Variants in SBK1 observed in about 807,000 individuals in gnomAD.
SBK1 encodes the protein SH3 domain binding kinase 1, also known as serine/threonine-protein kinase SBK1.
In SBK1, 11 loss-of-function variants were observed where a neutral mutation model predicts 24.4. The observed-to-expected ratio is 0.45, with a 90% CI of 0.28 to 0.75. The LOEUF (loss-of-function observed/expected upper bound fraction) is 0.75, where lower values mean the gene tolerates loss of function less well. SBK1 is among the 30% of genes least tolerant of loss of function. The probability of loss-of-function intolerance (pLI) is 0.12; values close to 1 mark genes in which losing one functional copy is unlikely to be tolerated. For synonymous variants in SBK1, 308 were observed against 284.4 expected (o/e 1.08, Z -0.83); for missense variants, 467 against 620.5 (o/e 0.75, Z 2.63).
At chr16:28,302,732 G>A (rs1272129415) in intron 1 of SBK1, among the ~76,000 whole-genome samples, 1 of 152,268 alleles carries the variant, frequency 6.6e-6, no homozygotes, top group East Asian at 1.9e-4. Flanking sequence ...CTCCTCAGAG[G>A]TTAATTCATT....
intron 1 of SBK1, among the ~76,000 whole-genome samples, chr16:28,315,453 C>T (rs2044788166): frequency 6.6e-6 from 1 of 152,138 alleles, no homozygotes; most frequent in African/African-American, 2.4e-5. Context: ...AGTTAGTTCA[C>T]TGTCACCCAC....
At chr16:28,292,444 G>A, upstream of SBK1, 1 of 763,042 alleles carries the variant, frequency 1.3e-6, no homozygotes, top group Non-Finnish European at 1.6e-6. Flanking sequence ...ACGGACAAAG[G>A]GGCGGGCGGC....
intron 1 of SBK1, among the ~76,000 whole-genome samples, chr16:28,300,969 G>A (rs892300493): frequency 1.3e-5 from 2 of 152,174 alleles, no homozygotes; most frequent in Admixed American, 1.3e-4. Flanking sequence ...CAAAGGAGGT[G>A]AAGGATGCAG....
Position 28,317,489 on chromosome 16 carries a change from C to T in SBK1, c.98C>T (p.Thr33Ile). The T allele has an allele frequency of 6.2e-7, 1 of 1,614,168 alleles. No homozygotes were observed. The highest frequency in any genetic ancestry group is 8.5e-7 in the Non-Finnish European group (1 of 1,180,018). Reference sequence around the variant, plus strand: ...CCTGGTGCCGGTGTGCCCCTTCTCACTGAAGACATGCAGGCCCTGACTCTC... The same window carrying T: ...CCTGGTGCCGGTGTGCCCCTTCTCATTGAAGACATGCAGGCCCTGACTCTC... Reference protein sequence around the residue: ...PGPGAGVPLLTEDMQALTLRT... With the variant: ...PGPGAGVPLLIEDMQALTLRT... Residue 33 changes from threonine (T) to isoleucine (I), a missense_variant, in exon 2 of 4, where the codon ACT becomes ATT. Transcript: ENST00000341901. The surrounding 1 kb of genome is among the most constrained non-coding windows in gnomAD (Gnocchi z 4.2).
intron 1 of SBK1, among the ~76,000 whole-genome samples, chr16:28,300,114 A>G (rs1387429803): frequency 3.3e-5 from 5 of 152,204 alleles, no homozygotes; most frequent in Non-Finnish European, 7.3e-5. Flanking sequence ...TGTGCCTCCA[A>G]ACTAGAATAT....
intron 1 of SBK1, among the ~76,000 whole-genome samples, chr16:28,312,342 C>T (rs2044759758): frequency 1.3e-5 from 2 of 152,174 alleles, no homozygotes; most frequent in Admixed American, 6.5e-5. Context: ...GCCTCATCAC[C>T]CCGTTGGTGG....
chr16:28,302,948 A>G (rs1369301987), intron 1 of SBK1, among the ~76,000 whole-genome samples: 1 of 139,692 alleles, frequency 7.2e-6, no homozygotes, highest in African/African-American at 2.7e-5. Flanking sequence ...CCAGGAAAAA[A>G]TAGAGCAGGG....
chr16:28,279,179 C>A (rs2044513372), intron 1 of SBK1, among the ~76,000 whole-genome samples: 1 of 150,666 alleles, frequency 6.6e-6, no homozygotes, highest in Admixed American at 6.6e-5. Context: ...TGCACTTCAG[C>A]CTGCTGGGTG....
chr16:28,296,117 C>T (rs2044638322), intron 1 of SBK1, among the ~76,000 whole-genome samples: 1 of 139,372 alleles, frequency 7.2e-6, no homozygotes, highest in Admixed American at 7.5e-5. Flanking sequence ...TTTTTTTAGA[C>T]AGAGTCTCGC....
rs189426176 is a variant in SBK1, at chr16:28,323,725, G to A, written c.*2804G>A. 844 of 152,844 alleles carry A rather than the reference G, an allele frequency of 5.5e-3. 12 individuals are homozygous for A. The highest frequency in any genetic ancestry group is 0.034 in the Admixed American group (521 of 15,294). 9.5% of individuals were successfully genotyped at this position (152,844 alleles called of 1,614,324 possible). On this transcript the variant is annotated 3_prime_UTR_variant, in exon 4 of 4. Transcript: ENST00000341901. ...GAGCCCCAGCCCCTCATGTCTTGCC[G>A]CCCTTCCTCCATGTGTTTGTAAATA...
intron 1 of SBK1, among the ~76,000 whole-genome samples, chr16:28,302,957 G>C (rs1435394243): frequency 7.9e-6 from 1 of 126,402 alleles, no homozygotes; most frequent in Admixed American, 7.7e-5. Flanking sequence ...AATAGAGCAG[G>C]GCATGGGGGG....
chr16:28,273,082 T>C (rs2044476681), intron 1 of SBK1, among the ~76,000 whole-genome samples: 1 of 152,136 alleles, frequency 6.6e-6, no homozygotes, highest in African/African-American at 2.4e-5. Flanking sequence ...AGAATTATTT[T>C]TTTCTTTTTT....
chr16:28,259,406 C>T lies in SBK1; in HGVS notation c.161C>T (p.Pro54Leu). ...GTCCTGGAGCTGCCTCCGGCCTGGCCCATGGGCTGCGGAGTCGATGATGTG... is the reference window on the plus strand; with the variant it reads ...GTCCTGGAGCTGCCTCCGGCCTGGCTCATGGGCTGCGGAGTCGATGATGTG... Residue 54 changes from proline to leucine, a missense_variant, in exon 1 of 4, where the codon CCC (proline) becomes CTC (leucine). Pro to Leu is a moderately conservative substitution (Grantham distance 98). Coordinates refer to the SBK1 transcript ENST00000671413. The surrounding 1 kb of genome is among the most constrained non-coding windows in gnomAD (Gnocchi z 6.0). 1.0e-6 allele frequency: 1 copy of T among 984,088 alleles called. No homozygotes were observed. The highest frequency in any genetic ancestry group is 1.2e-6 in the Non-Finnish European group (1 of 828,700). The allele number at this position is 984,088 out of a possible 1,614,324, so 61.0% of individuals were successfully genotyped here.
Position 28,296,092 on chromosome 16 carries a change from A to ATT in SBK1, c.-8+2812_-8+2813dup, listed in dbSNP as rs35049604. Reference sequence around the variant, plus strand: ...AGATGCCCACCACCACATCCAGCTAATTTTTTTTTTTTTTTTTTTTTAGAC... The same window carrying ATT: ...AGATGCCCACCACCACATCCAGCTAATTTTTTTTTTTTTTTTTTTTTTTAGAC... On this transcript the variant is annotated intron_variant, in intron 1 of 3. Transcript: ENST00000341901. 5.1e-4 allele frequency among the ~76,000 whole-genome samples: 62 copies of ATT among 121,196 alleles called. 1 individual carries two copies. The highest frequency in any genetic ancestry group is 1.7e-3 in the Admixed American group (20 of 11,744). The allele number at this position is 121,196 out of a possible 152,430, so 79.5% of individuals were successfully genotyped here. A position where few individuals can be genotyped will look rare whatever the true frequency, so the allele number is the denominator to read the frequency against.
chr16:28,279,099 C>T (rs980017943), intron 1 of SBK1, among the ~76,000 whole-genome samples: 5 of 150,916 alleles, frequency 3.3e-5, no homozygotes, highest in Admixed American at 6.7e-5. Flanking sequence ...CCCAGCTATG[C>T]GGGAGGCTGA....
chr16:28,278,539 C>T (rs1458862327), intron 1 of SBK1, among the ~76,000 whole-genome samples: 2 of 152,114 alleles, frequency 1.3e-5, no homozygotes, highest in African/African-American at 2.4e-5. Flanking sequence ...TTATTCTATT[C>T]TATTTTATTT....
intron 1 of SBK1, among the ~76,000 whole-genome samples, chr16:28,313,320 A>C (rs918923044): frequency 7.3e-5 from 11 of 150,866 alleles, no homozygotes; most frequent in Admixed American, 3.3e-4. Flanking sequence ...AATTTAAAAA[A>C]CGACAGGAGG....
intron 1 of SBK1, among the ~76,000 whole-genome samples, chr16:28,293,960 G>C (rs1031105677): frequency 6.6e-6 from 1 of 152,184 alleles, no homozygotes; most frequent in South Asian, 2.1e-4. Context: ...TTTCTGGGGA[G>C]GAGAGGTAGC....
chr16:28,318,972 CCTGTTG>C lies in SBK1; in HGVS notation c.227-14_227-9del. The C allele has an allele frequency of 6.2e-7, 1 of 1,602,978 alleles. No homozygotes were observed. The highest frequency in any genetic ancestry group is 8.5e-7 in the Non-Finnish European group (1 of 1,169,898). On this transcript the variant is annotated splice_polypyrimidine_tract_variant and intron_variant, in intron 2 of 3. Coordinates refer to ENST00000341901, the MANE Select transcript of SBK1 (RefSeq NM_001024401.3). Reference sequence around the variant, plus strand: ...AGGCACTGGGAGAGGGGGCTTCAACCCTGTTGCTGTTGCTCCCATCAGGCACAAAAA... The same window carrying C: ...AGGCACTGGGAGAGGGGGCTTCAACCCTGTTGCTCCCATCAGGCACAAAAA...
Sources: allele counts gnomAD v4.1 joint callset (sites outside exome capture counted in the v4.1 genomes callset), GRCh38; gene constraint gnomAD v4.1.1; non-coding constraint Gnocchi (gnomAD v3.1); transcripts MANE v1.5; gene names NCBI Gene and HGNC (gene_info 2026-07-23, HGNC 2026-07-21).